The following RAB27B variants were observed in gnomAD, a reference collection of about 807,000 sequenced individuals.
RAB27B encodes the protein ras-related protein Rab-27B.
RAB27B carries 15 observed loss-of-function variants against 24.6 expected under a neutral mutation model. The ratio of observed to expected loss-of-function variants is 0.61; its 90% CI spans 0.41 to 0.94. RAB27B has a LOEUF of 0.94. Among genes scored for constraint, RAB27B ranks in the 40% least tolerant of loss-of-function variants. The pLI is 0.00. For synonymous variants in RAB27B, 105 were observed against 92.5 expected (o/e 1.14, Z -0.78); for missense variants, 261 against 266.8 (o/e 0.98, Z 0.15).
chr18:54,874,174 A>G lies in RAB27B; in HGVS notation c.-19-3393A>G, dbSNP rs147177479. Among the ~76,000 whole-genome samples the G allele has an allele frequency of 1.8e-3, 280 of 152,194 alleles. 3 individuals carry two copies. Among genetic ancestry groups the G allele is most frequent in the African/African-American group, 6.2e-3 (257 of 41,536 alleles). ...GTAATAGTCTCATTCTACAAGTGGG[A>G]AGTAATCTCCCATGCTATGGTCCTG... is the stretch of plus-strand genomic sequence containing the variant. On this transcript the variant is annotated intron_variant, in intron 1 of 5. Transcript: ENST00000262094.
chr18:54,784,216 C>T (rs1224790725), intron 2 of RAB27B, among the ~76,000 whole-genome samples: 1 of 152,164 alleles, frequency 6.6e-6, no homozygotes, highest in African/African-American at 2.4e-5. Context: ...TAGATTGAAC[C>T]AAGGAATCAA....
rs528040487 is a variant in RAB27B, at chr18:54,893,689, C to T, written c.*4276C>T. ...CTTGTCTCATAAAGTAGAACTGATA[C>T]AAATTTTGGTTGGATATATAGAGAA... is the stretch of plus-strand genomic sequence containing the variant. On this transcript the variant is annotated 3_prime_UTR_variant, in exon 6 of 6. Coordinates refer to ENST00000262094, the MANE Select transcript of RAB27B (RefSeq NM_004163.4). The T allele has an allele frequency of 1.3e-5, 2 of 151,922 alleles. No individual in the cohort carries two copies. Among genetic ancestry groups the T allele is most frequent in the South Asian group, 2.1e-4 (1 of 4,816 alleles). The allele number at this position is 151,922 out of a possible 1,614,324, so 9.4% of individuals were successfully genotyped here.
chr18:54,842,570 T>G (rs1260017092), intron 1 of RAB27B, among the ~76,000 whole-genome samples: 1 of 152,196 alleles, frequency 6.6e-6, no homozygotes, highest in Non-Finnish European at 1.5e-5. Flanking sequence ...ACCTTATATA[T>G]TAATAGGATA....
rs981531708 is a variant in RAB27B, at chr18:54,889,568, A to C, written c.*155A>C. The C allele has an allele frequency of 1.5e-6, 1 of 680,842 alleles. No individual in the cohort carries two copies. Among genetic ancestry groups the C allele is most frequent in the Admixed American group, 3.3e-5 (1 of 30,002 alleles). The allele number at this position is 680,842 out of a possible 1,614,324, so 42.2% of individuals were successfully genotyped here. On this transcript the variant is annotated 3_prime_UTR_variant, in exon 6 of 6. Coordinates refer to ENST00000262094, the MANE Select transcript of RAB27B (RefSeq NM_004163.4). Reference sequence around the variant, plus strand: ...ATTTTAAGAAACCAGAATAGTCAACAGTGTTCAAAAGAATTGACTAGTTAT... The same window carrying C: ...ATTTTAAGAAACCAGAATAGTCAACCGTGTTCAAAAGAATTGACTAGTTAT...
chr18:54,778,983 G>A (rs1381990769), intron 2 of RAB27B, among the ~76,000 whole-genome samples: 1 of 151,984 alleles, frequency 6.6e-6, no homozygotes, highest in Non-Finnish European at 1.5e-5. Context: ...GGGACTACAG[G>A]TGCGCACCAC....
At chr18:54,836,457 C>G (rs1183364407) in intron 1 of RAB27B, among the ~76,000 whole-genome samples, 1 of 151,848 alleles carries the variant, frequency 6.6e-6, no homozygotes, top group Non-Finnish European at 1.5e-5. Flanking sequence ...ACAAAGCCTT[C>G]AAGGTCTAAG....
chr18:54,741,485 T>C (rs970896799), intron 2 of RAB27B, among the ~76,000 whole-genome samples: 1 of 152,042 alleles, frequency 6.6e-6, no homozygotes, highest in African/African-American at 2.4e-5. Flanking sequence ...AACCAAGAAC[T>C]CTAAGCTCTT....
chr18:54,774,309 G>C (rs1255530138), intron 2 of RAB27B, among the ~76,000 whole-genome samples: 34 of 152,154 alleles, frequency 2.2e-4, no homozygotes, highest in Admixed American at 2.2e-3. Context: ...TATCTATTCT[G>C]TGCCAGTCAC....
At chr18:54,826,519 C>T (rs149531915), upstream of RAB27B, among the ~76,000 whole-genome samples, 16 of 152,202 alleles carry the variant, frequency 1.1e-4, no homozygotes, top group East Asian at 2.5e-3. Context: ...CTTGGAACCT[C>T]GGAGACAGGA....
chr18:54,797,759 C>A (rs984026799), intron 2 of RAB27B, among the ~76,000 whole-genome samples: 26 of 152,102 alleles, frequency 1.7e-4, no homozygotes, highest in Admixed American at 1.5e-3. Flanking sequence ...TGGTCTGGGT[C>A]ATTTCTGTAA....
At chr18:54,822,129 C>G (rs4801097) in intron 2 of RAB27B, among the ~76,000 whole-genome samples, 61,798 of 151,942 alleles carry the variant, frequency 0.41, 14,286 homozygotes, top group East Asian at 0.52. Flanking sequence ...CCAAATTATA[C>G]CTTAAAAAAG....
At chr18:54,866,596 C>T (rs1912238066) in intron 1 of RAB27B, among the ~76,000 whole-genome samples, 1 of 152,238 alleles carries the variant, frequency 6.6e-6, no homozygotes, top group Non-Finnish European at 1.5e-5. Flanking sequence ...CTGCGCCCGG[C>T]AGGGATCCTT....
intron 2 of RAB27B, among the ~76,000 whole-genome samples, chr18:54,769,007 C>T (rs1297586394): frequency 6.6e-6 from 1 of 152,186 alleles, no homozygotes; most frequent in Non-Finnish European, 1.5e-5. Flanking sequence ...GTCCTTCTCA[C>T]ATTCCAAAAC....
intron 2 of RAB27B, among the ~76,000 whole-genome samples, chr18:54,772,671 ATTT>A (rs1568060248): frequency 2.6e-5 from 4 of 151,986 alleles, no homozygotes; most frequent in Non-Finnish European, 5.9e-5. Context: ...TTTATTAATT[ATTT>A]AAAAAACCCT....
intron 2 of RAB27B, among the ~76,000 whole-genome samples, chr18:54,811,345 G>C (rs1909957951): frequency 6.6e-6 from 1 of 152,100 alleles, no homozygotes; most frequent in African/African-American, 2.4e-5. Context: ...TACATTTTGG[G>C]GGATGTGAGA....
intron 2 of RAB27B, among the ~76,000 whole-genome samples, chr18:54,797,159 G>A (rs1598911185): frequency 6.6e-6 from 1 of 152,180 alleles, no homozygotes; most frequent in East Asian, 1.9e-4. Flanking sequence ...GAGTGCAAAT[G>A]TGTGCACAGG....
At chr18:54,801,019 T>G (rs1473733420) in intron 2 of RAB27B, among the ~76,000 whole-genome samples, 123 of 145,386 alleles carry the variant, frequency 8.5e-4, no homozygotes, top group Admixed American at 1.7e-3. Flanking sequence ...TTTTTTTTTT[T>G]TTTTTTTTTT....
intron 2 of RAB27B, among the ~76,000 whole-genome samples, chr18:54,734,275 G>A (rs1909822341): frequency 6.6e-6 from 1 of 152,114 alleles, no homozygotes; most frequent in South Asian, 2.1e-4. Context: ...CTCCACTGTA[G>A]AGTCGGAGAG....
intron 1 of RAB27B, among the ~76,000 whole-genome samples, chr18:54,848,717 ATATC>A (rs975956332): frequency 3.3e-5 from 5 of 152,200 alleles, no homozygotes; most frequent in Admixed American, 1.3e-4. Context: ...ATTCTGGAAA[ATATC>A]TACTGACTCA....
Sources: gnomAD v4.1 joint callset for allele counts (sites outside exome capture counted in the v4.1 genomes callset) on GRCh38, gnomAD v4.1.1 for gene constraint, MANE v1.5 for transcripts, NCBI Gene and HGNC (gene_info 2026-07-23, HGNC 2026-07-21) for gene names.